Variants in DNAAF10 observed in about 807,000 individuals in gnomAD.
The protein encoded by DNAAF10 is dynein axonemal assembly factor 10, also known as WD repeat domain 92.
A neutral mutation model predicts 43.7 loss-of-function variants in DNAAF10; 28 were observed. The ratio of observed to expected loss-of-function variants is 0.64; its 90% CI spans 0.48 to 0.88. The LOEUF is 0.88. DNAAF10 is among the 40% of genes least tolerant of loss of function. The pLI is 0.00. For missense variants in DNAAF10, 403 were observed against 439.1 expected (o/e 0.92, Z 0.73); for synonymous variants, 156 against 157.3 (o/e 0.99, Z 0.06).
At chr2:68,135,898 T>C (rs1280882614) in intron 6 of DNAAF10, among the ~76,000 whole-genome samples, 1 of 152,128 alleles carries the variant, frequency 6.6e-6, no homozygotes, top group East Asian at 1.9e-4. Flanking sequence ...GATTTAGCAA[T>C]TACTGGATTA....
At chr2:68,147,111 T>C (rs547387534) in intron 2 of DNAAF10, among the ~76,000 whole-genome samples, 3 of 152,294 alleles carry the variant, frequency 2.0e-5, no homozygotes, top group Non-Finnish European at 4.4e-5. Context: ...AAATAATATC[T>C]ACTTTTTCAG....
At chr2:68,136,243 A>C (rs532318458) in intron 6 of DNAAF10, among the ~76,000 whole-genome samples, 1 of 150,866 alleles carries the variant, frequency 6.6e-6, no homozygotes, top group East Asian at 1.9e-4. Context: ...AAAAAAAGCC[A>C]AACAAACAAA....
At chr2:68,151,178 G>A (rs1476744544) in intron 1 of DNAAF10, among the ~76,000 whole-genome samples, 1 of 152,168 alleles carries the variant, frequency 6.6e-6, no homozygotes, top group Non-Finnish European at 1.5e-5. Flanking sequence ...TATACAAAAT[G>A]CAAAAAGTCC....
chr2:68,134,809 A>C lies in DNAAF10; in HGVS notation c.769-10T>G, dbSNP rs762326517. 6.2e-7 allele frequency: 1 copy of C among 1,613,540 alleles called. No individual in the cohort carries two copies. The highest frequency in any genetic ancestry group is 2.2e-5 in the East Asian group (1 of 44,840). ...CAGTAGATTTATGAGCCTAAATAGA[A>C]CAAGAGGCATACAACTGGTTTATAT... On this transcript the variant is annotated splice_polypyrimidine_tract_variant and intron_variant, in intron 6 of 7. Transcript: ENST00000295121.
At chr2:68,142,269 CTTTT>C (rs373111452) in intron 3 of DNAAF10, among the ~76,000 whole-genome samples, 4 of 151,690 alleles carry the variant, frequency 2.6e-5, no homozygotes, top group African/African-American at 4.8e-5. Flanking sequence ...TTCTTTCTTT[CTTTT>C]GTTTTGAGAT....
At position 68,137,356 on chromosome 2, in the gene DNAAF10, A is replaced by G; in HGVS notation, c.711T>C (p.His237=). Residue 237 remains histidine (H), a synonymous_variant, in exon 6 of 8, where the codon CAT becomes CAC. Coordinates refer to ENST00000295121, the MANE Select transcript of DNAAF10 (RefSeq NM_138458.4). The part of the protein sequence containing the change: ...LVATSLEGKF[H]VFDMRTQHPT... The stretch of plus-strand genomic sequence containing the variant: ...GATGCTGTGTTCTCATGTCAAAAAC[A>G]TGGAACTTTCCTTCCAGAGATGTGG... The G allele has an allele frequency of 6.2e-7, 1 of 1,613,844 alleles. No individual in the cohort carries two copies. The highest frequency in any genetic ancestry group is 8.5e-7 in the Non-Finnish European group (1 of 1,179,868).
At chr2:68,134,825 T>C in intron 6 of DNAAF10, 26 bp from the exon 7 acceptor site, 2 of 1,612,340 alleles carry the variant, frequency 1.2e-6, no homozygotes, top group South Asian at 1.1e-5. Context: ...GGCATACAAC[T>C]GGTTTATATG....
Position 68,130,113 on chromosome 2 carries a change from G to C in DNAAF10, c.*1125C>G, listed in dbSNP as rs370820330. The C allele has an allele frequency of 2.2e-5, 3 of 133,616 alleles. No homozygotes were observed. In the South Asian group the frequency reaches 6.8e-4, roughly 30 times the overall value. 8.3% of individuals were successfully genotyped at this position (133,616 alleles called of 1,614,324 possible). On this transcript the variant is annotated 3_prime_UTR_variant, in exon 8 of 8. Transcript: ENST00000295121. ...ACCAACCGTGCCGTTTTGAGAGAGA[G>C]AGATATATATATATATATTTGTTTT...
chr2:68,146,586 G>A (rs553844875), intron 2 of DNAAF10, among the ~76,000 whole-genome samples: 78 of 152,122 alleles, frequency 5.1e-4, no homozygotes, highest in Middle Eastern at 6.8e-3. Context: ...AGTATCTCTC[G>A]AAGCATATGA....
At chr2:68,149,940 T>C (rs900638359) in intron 1 of DNAAF10, among the ~76,000 whole-genome samples, 7 of 152,204 alleles carry the variant, frequency 4.6e-5, no homozygotes, top group Non-Finnish European at 1.0e-4. Flanking sequence ...TTAGAAGCTG[T>C]GAAGAACTTG....
In DNAAF10 at chr2:68,144,576, G is replaced by A. The variant is rs778038804; in HGVS notation, c.415+9C>T. 11 of 1,613,340 alleles carry A rather than the reference G, an allele frequency of 6.8e-6. No individual in the cohort carries two copies. The South Asian group carries it at 1.2e-4, about 18-fold the overall frequency. On this transcript the variant is annotated intron_variant, in intron 3 of 7. Transcript: ENST00000295121. ...AAATAAACAAAATACATAGAATACAGGGACTCACCATCTCGGCTGCCAGTC... is the reference window on the plus strand; with the variant it reads ...AAATAAACAAAATACATAGAATACAAGGACTCACCATCTCGGCTGCCAGTC...
chr2:68,134,405 C>G, intron 7 of DNAAF10: 2 of 1,139,652 alleles, frequency 1.8e-6, no homozygotes, highest in Non-Finnish European at 2.2e-6. Context: ...AGTGAGTGTT[C>G]TAATCACTTC....
At chr2:68,152,065 T>G (rs989821573) in intron 1 of DNAAF10, among the ~76,000 whole-genome samples, 3 of 152,234 alleles carry the variant, frequency 2.0e-5, no homozygotes, top group Admixed American at 6.5e-5. Flanking sequence ...TGAGCGTTAT[T>G]GGAAGTATCA....
intron 3 of DNAAF10, 85 bp downstream of exon 3, chr2:68,144,500 G>A: frequency 6.5e-7 from 1 of 1,542,910 alleles, no homozygotes. Flanking sequence ...GACTGAAGGG[G>A]ATTTTTTACT....
At chr2:68,142,392 G>GA (rs898589002) in intron 3 of DNAAF10, among the ~76,000 whole-genome samples, 2 of 152,124 alleles carry the variant, frequency 1.3e-5, no homozygotes, top group African/African-American at 2.4e-5. Flanking sequence ...AAGTAGCTGG[G>GA]ACTACAGGCA....
chr2:68,141,663 A>T (rs1354317285), intron 4 of DNAAF10, 31 bp downstream of exon 4: 1 of 1,596,818 alleles, frequency 6.3e-7, no homozygotes. Context: ...CCATCTGATA[A>T]TTCAAATGCA....
chr2:68,151,710 C>T (rs1673462707), intron 1 of DNAAF10, among the ~76,000 whole-genome samples: 2 of 152,178 alleles, frequency 1.3e-5, no homozygotes, highest in Admixed American at 1.3e-4. Context: ...TTTCTCCTAC[C>T]ATACTTTCAT....
intron 1 of DNAAF10, among the ~76,000 whole-genome samples, chr2:68,152,156 G>GTT (rs1382092488): frequency 6.6e-6 from 1 of 152,126 alleles, no homozygotes; most frequent in African/African-American, 2.4e-5. Flanking sequence ...CTGCCCTTTG[G>GTT]TTTTTACCTT....
intron 3 of DNAAF10, among the ~76,000 whole-genome samples, chr2:68,144,277 C>T (rs1410658494): frequency 6.6e-6 from 1 of 152,198 alleles, no homozygotes; most frequent in African/African-American, 2.4e-5. Flanking sequence ...TCGTCAGCTG[C>T]CTCAAAAACC....
Sources: gnomAD v4.1 joint callset for allele counts (sites outside exome capture counted in the v4.1 genomes callset) on GRCh38, gnomAD v4.1.1 for gene constraint, MANE v1.5 for transcripts, NCBI Gene and HGNC (gene_info 2026-07-23, HGNC 2026-07-21) for gene names.